The following ANGPTL1 variants were observed in gnomAD, a reference collection of about 807,000 sequenced individuals.
ANGPTL1 encodes the protein angiopoietin-related protein 1.
ANGPTL1 carries 36 observed loss-of-function variants against 46.7 expected under a neutral mutation model. The ratio of observed to expected loss-of-function variants is 0.77; its 90% confidence interval spans 0.59 to 1.02. The LOEUF (loss-of-function observed/expected upper bound fraction) is 1.02. Among genes scored for constraint, ANGPTL1 ranks in the 50% least tolerant of loss-of-function variants. The pLI, the probability that ANGPTL1 is intolerant of heterozygous loss-of-function variation, is 0.00. For synonymous variants in ANGPTL1, 221 were observed against 204.3 expected, an observed-to-expected ratio of 1.08 and a Z score of -0.69; for missense variants, 571 against 594.7, an observed-to-expected ratio of 0.96 and a Z score of 0.41.
chr1:178,864,908 A>G, intron 3 of ANGPTL1, 46 bp downstream of exon 3: 2 of 1,293,996 alleles, frequency 1.5e-6, no homozygotes, highest in East Asian at 5.0e-5. Flanking sequence ...AAGGCATAAA[A>G]ATATAAACCT....
chr1:178,865,384 A>C lies in ANGPTL1; in HGVS notation c.393T>G (p.Thr131=). Residue 131 remains threonine, a synonymous_variant, in exon 3 of 6, where the codon ACT becomes ACG. Transcript: ENST00000234816. ...KESRNMNSRV[T]QLYMQLLHEI... is the part of the protein sequence containing the mutation. ...CATGTAATAATTGCATATAGAGTTGAGTAACACGAGAGTTCATGTTACGGC... is the reference window on the plus strand; with the variant it reads ...CATGTAATAATTGCATATAGAGTTGCGTAACACGAGAGTTCATGTTACGGC... The C allele has an allele frequency of 6.2e-7, 1 of 1,614,084 alleles. No homozygotes were observed.
In ANGPTL1 at chr1:178,869,100, T is replaced by A. The variant is rs1459896951; in HGVS notation, c.-27+14A>T. 4 of 152,084 alleles carry A rather than the reference T, an allele frequency of 2.6e-5. No individual in the cohort carries two copies. Among genetic ancestry groups the A allele is most frequent in the Non-Finnish European group, 5.9e-5 (4 of 67,948 alleles). 9.4% of individuals were successfully genotyped at this position (152,084 alleles called of 1,614,324 possible). ...CCCCAAGAGAATGTTATAAATTAGTTATAGAATACTTACGTTTAAATTTAA... is the reference window on the plus strand; with the variant it reads ...CCCCAAGAGAATGTTATAAATTAGTAATAGAATACTTACGTTTAAATTTAA... On this transcript the variant is annotated intron_variant, in intron 2 of 5. Coordinates refer to ENST00000234816, the MANE Select transcript of ANGPTL1 (RefSeq NM_004673.4).
chr1:178,859,401 C>CT (rs543947031), intron 3 of ANGPTL1, among the ~76,000 whole-genome samples: 29,291 of 122,844 alleles, frequency 0.24, 4,487 homozygotes, highest in Non-Finnish European at 0.3. Flanking sequence ...CCAAGTTTAA[C>CT]TTTTTTTTTT....
chr1:178,864,896 A>T, intron 3 of ANGPTL1, 58 bp downstream of exon 3: 1 of 1,172,764 alleles, frequency 8.5e-7, no homozygotes, highest in Non-Finnish European at 1.1e-6. Flanking sequence ...GCATTGTTTC[A>T]TAAGGCATAA....
At chr1:178,856,206 T>G (rs12121050) in intron 3 of ANGPTL1, among the ~76,000 whole-genome samples, 1,669 of 43,196 alleles carry the variant, frequency 0.039, 14 homozygotes, top group East Asian at 0.12. Flanking sequence ...GAGAGAGATA[T>G]ATATATATAT....
At chr1:178,868,136 C>A in intron 2 of ANGPTL1, among the ~76,000 whole-genome samples, 1 of 151,652 alleles carries the variant, frequency 6.6e-6, no homozygotes, top group South Asian at 2.1e-4. Flanking sequence ...TGTTTTCATA[C>A]CTTGCTTTCT....
At position 178,865,635 on chromosome 1, in the gene ANGPTL1, T is replaced by G. The variant is rs577502486; in HGVS notation, c.142A>C (p.Lys48Gln). ...GGTACCAGGAATGTGTATGCACATTTCTTTGCTTCCTCTTTACCATCTGTG... is the reference window on the plus strand; with the variant it reads ...GGTACCAGGAATGTGTATGCACATTGCTTTGCTTCCTCTTTACCATCTGTG... ...RATDGKEEAKKCAYTFLVPEQ... is the reference protein window; with the variant it reads ...RATDGKEEAKQCAYTFLVPEQ... Residue 48 changes from lysine to glutamine, a missense_variant, in exon 3 of 6, where the codon AAA (lysine) becomes CAA (glutamine). Transcript: ENST00000234816. 9.9e-6 allele frequency: 16 copies of G among 1,614,094 alleles called. No homozygotes were observed. The South Asian group carries it at 1.5e-4, about 16-fold the overall frequency.
rs757695861 is a variant in ANGPTL1 at position 178,853,588 on chromosome 1, A to T, written c.1017+6T>A. On this transcript the variant is annotated splice_donor_region_variant and intron_variant, in intron 4 of 5. Transcript: ENST00000234816. ...TACTTCCCTTAGGTCTGCATCACTG[A>T]TTTACCTTATAATTTTCCCAATTTC... The T allele has an allele frequency of 8.2e-6, 13 of 1,589,464 alleles. No individual in the cohort carries two copies. In the African/African-American group the frequency reaches 1.8e-4, roughly 22 times the overall value.
intron 2 of ANGPTL1, among the ~76,000 whole-genome samples, chr1:178,867,746 C>T (rs930029331): frequency 6.6e-6 from 1 of 151,800 alleles, no homozygotes; most frequent in Admixed American, 6.6e-5. Flanking sequence ...GACTCTTCTG[C>T]GGCAATTTCT....
rs546913290 is a variant in ANGPTL1 at position 178,854,564 on chromosome 1, A to G, written c.824-777T>C. On this transcript the variant is annotated intron_variant, in intron 3 of 5. Transcript: ENST00000234816. The stretch of plus-strand genomic sequence containing the variant: ...GGAATGTTAGCATAAATGAGTATCT[A>G]AAGAGTTGTATCAATCTGTATGACT... 3.9e-5 allele frequency among the ~76,000 whole-genome samples: 6 copies of G among 152,268 alleles called. No individual in the cohort carries two copies. In the South Asian group the frequency reaches 1.2e-3, roughly 32 times the overall value.
At chr1:178,853,060 A>G in intron 4 of ANGPTL1, 107 bp from the exon 5 acceptor site, 3 of 1,468,556 alleles carry the variant, frequency 2.0e-6, no homozygotes, top group Non-Finnish European at 2.7e-6. Context: ...TGGCCATTTA[A>G]GTGGTAATGT....
At chr1:178,853,210 A>C in intron 4 of ANGPTL1, 1 of 985,372 alleles carries the variant, frequency 1.0e-6, no homozygotes, top group Non-Finnish European at 1.2e-6. Context: ...GACAATGCAA[A>C]TGAGAATAAA....
intron 5 of ANGPTL1, among the ~76,000 whole-genome samples, chr1:178,851,874 G>A (rs1657196894): frequency 6.6e-6 from 1 of 152,106 alleles, no homozygotes. Flanking sequence ...ACAGGGATGG[G>A]GGAGAATTGT....
Position 178,856,202 on chromosome 1 carries a change from G to GATATAT in ANGPTL1, c.824-2421_824-2416dup, listed in dbSNP as rs55797277. Among the ~76,000 whole-genome samples, 541 of 83,802 alleles carry GATATAT rather than the reference G, an allele frequency of 6.5e-3. 8 individuals carry two copies. The highest frequency in any genetic ancestry group is 0.018 in the African/African-American group (278 of 15,520). 55.0% of individuals were successfully genotyped at this position (83,802 alleles called of 152,430 possible). A position where few individuals can be genotyped will look rare whatever the true frequency, so the allele number is the denominator to read the frequency against. On this transcript the variant is annotated intron_variant, in intron 3 of 5. Coordinates refer to ENST00000234816, the MANE Select transcript of ANGPTL1 (RefSeq NM_004673.4). ...ACCTGTACTTTTCCAGAGAGAGAGAGATATATATATATATATATATATATA... is the reference window on the plus strand; with the variant it reads ...ACCTGTACTTTTCCAGAGAGAGAGAGATATATATATATATATATATATATATATATA...
chr1:178,857,457 A>T (rs903478472), intron 3 of ANGPTL1, among the ~76,000 whole-genome samples: 5 of 152,306 alleles, frequency 3.3e-5, no homozygotes, highest in African/African-American at 9.6e-5. Context: ...GAGAAGTCAC[A>T]AGAAAGAGAG....
Position 178,865,119 on chromosome 1 carries a change from G to A in ANGPTL1, c.658C>T (p.Pro220Ser). ...TGTTGGCTGTTAGGAATATGTTGTG[G>A]CACCACCTGGACAAGTGGGGGAGAC... Reference protein sequence around the residue: ...HVSPPLVQVVPQHIPNSQQYT... With the variant: ...HVSPPLVQVVSQHIPNSQQYT... The change falls in exon 3 of 6, where the codon CCA becomes TCA. Residue 220 changes from proline (P) to serine (S), a missense_variant. By Grantham distance (74) the Pro-to-Ser change is moderately conservative. Coordinates refer to ENST00000234816, the MANE Select transcript of ANGPTL1 (RefSeq NM_004673.4). The A allele has an allele frequency of 6.3e-7, 1 of 1,582,032 alleles. No homozygotes were observed. The highest frequency in any genetic ancestry group is 8.6e-7 in the Non-Finnish European group (1 of 1,162,200).
chr1:178,864,900 G>T, intron 3 of ANGPTL1, 54 bp downstream of exon 3: 1 of 1,184,112 alleles, frequency 8.4e-7, no homozygotes, highest in Non-Finnish European at 1.1e-6. Context: ...TGTTTCATAA[G>T]GCATAAAAAT....
chr1:178,866,061 A>G (rs1032774219), intron 2 of ANGPTL1, among the ~76,000 whole-genome samples: 5 of 152,140 alleles, frequency 3.3e-5, no homozygotes, highest in African/African-American at 1.2e-4. Flanking sequence ...TCCCCAGTTT[A>G]TTGAGCAGAT....
At chr1:178,870,635 C>A (rs1174362310) in intron 1 of ANGPTL1, 106 bp downstream of exon 1, 1 of 152,074 alleles carries the variant, frequency 6.6e-6, no homozygotes. Context: ...GTAGTATATT[C>A]CAAAGGTCTT....
Sources: gnomAD v4.1 joint callset for allele counts (sites outside exome capture counted in the v4.1 genomes callset) on GRCh38, gnomAD v4.1.1 for gene constraint, MANE v1.5 for transcripts, NCBI Gene and HGNC (gene_info 2026-07-23, HGNC 2026-07-21) for gene names.